The following DGLUCY variants were observed in gnomAD, a reference collection of about 807,000 sequenced individuals.
DGLUCY encodes D-glutamate cyclase.
Under a neutral mutation model 58.5 loss-of-function variants are expected in DGLUCY, and 58 were observed. That is an observed-to-expected ratio of 0.99 (90% CI 0.80 to 1.23). The LOEUF (loss-of-function observed/expected upper bound fraction) is 1.23. Among genes scored for constraint, DGLUCY ranks in the 50% most tolerant of loss-of-function variants. DGLUCY has a pLI of 0.00. For synonymous variants in DGLUCY, 325 were observed against 314.1 expected (o/e 1.03, Z -0.37); for missense variants, 779 against 784.7 (o/e 0.99, Z 0.09).
At chr14:91,098,661 C>A (rs1292690999) in intron 1 of DGLUCY, among the ~76,000 whole-genome samples, 5 of 152,160 alleles carry the variant, frequency 3.3e-5, no homozygotes, top group Non-Finnish European at 5.9e-5. Flanking sequence ...TGAGTACCTG[C>A]CTCATCCTGA....
intron 3 of DGLUCY, among the ~76,000 whole-genome samples, chr14:91,166,035 G>T (rs918957822): frequency 2.0e-5 from 3 of 152,326 alleles, no homozygotes; most frequent in African/African-American, 7.2e-5. Flanking sequence ...GCAACAATAT[G>T]AATGAATCTC....
At chr14:91,158,219 G>A (rs577504681) in intron 2 of DGLUCY, among the ~76,000 whole-genome samples, 1 of 152,294 alleles carries the variant, frequency 6.6e-6, no homozygotes, top group South Asian at 2.1e-4. Flanking sequence ...GCCAGGCCCA[G>A]GCGTTAGGCA....
intron 13 of DGLUCY, among the ~76,000 whole-genome samples, chr14:91,222,098 G>A (rs74086312): frequency 0.01 from 1,573 of 152,282 alleles, 30 homozygotes; most frequent in African/African-American, 0.036. Context: ...GTCTCAGCCT[G>A]GACTGGTGCA....
At chr14:91,126,746 A>G (rs941355862) in intron 1 of DGLUCY, among the ~76,000 whole-genome samples, 3 of 152,180 alleles carry the variant, frequency 2.0e-5, no homozygotes, top group Non-Finnish European at 4.4e-5. Flanking sequence ...ATTAATCCAT[A>G]ATAATCTCAT....
intron 3 of DGLUCY, chr14:91,165,207 C>T (rs1427671947): frequency 1.8e-5 from 8 of 455,902 alleles, no homozygotes; most frequent in East Asian, 6.9e-5. Flanking sequence ...ATAACCGTTA[C>T]GTGTTTCTTC....
At chr14:91,108,982 G>C (rs1220312531) in intron 1 of DGLUCY, among the ~76,000 whole-genome samples, 2 of 151,970 alleles carry the variant, frequency 1.3e-5, no homozygotes, top group African/African-American at 2.4e-5. Flanking sequence ...CATGGTATAG[G>C]AACAGGGGGT....
At chr14:91,205,754 C>CTTT (rs1555406030) in intron 12 of DGLUCY, among the ~76,000 whole-genome samples, 1 of 129,728 alleles carries the variant, frequency 7.7e-6, no homozygotes, top group African/African-American at 3.1e-5. Context: ...CCAGGGCATT[C>CTTT]TCTTCTTCTT....
chr14:91,207,417 G>A (rs1349029590), intron 12 of DGLUCY, among the ~76,000 whole-genome samples: 3 of 152,056 alleles, frequency 2.0e-5, no homozygotes, highest in African/African-American at 7.2e-5. Context: ...TAGACTAATG[G>A]GAATACTAGA....
intron 1 of DGLUCY, among the ~76,000 whole-genome samples, chr14:91,142,840 A>AAAACACAC (rs2046785693): frequency 8.0e-6 from 1 of 124,226 alleles, no homozygotes; most frequent in Non-Finnish European, 1.7e-5. Context: ...ATCTCTACTA[A>AAAACACAC]ACACACACAC....
At chr14:91,159,594 A>T (rs1225673603) in intron 2 of DGLUCY, among the ~76,000 whole-genome samples, 2 of 152,356 alleles carry the variant, frequency 1.3e-5, no homozygotes, top group East Asian at 3.9e-4. Flanking sequence ...TTCTACTTTT[A>T]AAAATCTACA....
chr14:91,205,510 C>T (rs1056223772), intron 12 of DGLUCY, among the ~76,000 whole-genome samples: 6 of 152,112 alleles, frequency 3.9e-5, no homozygotes, highest in Admixed American at 6.5e-5. Flanking sequence ...AATGGAACCT[C>T]GTGGGAACCA....
rs761446928 is a variant in DGLUCY at position 91,199,877 on chromosome 14, G to A, written c.1416G>A (p.Ala472=). The change falls in exon 11 of 14, where the codon GCG becomes GCA. Residue 472 remains alanine, a synonymous_variant. Transcript: ENST00000256324. Reference sequence around the variant, plus strand: ...CCATTGACGATCTTTTTCTTGCTGCGAAGAAGATTCCTGGAATCTCATCAA... The same window carrying A: ...CCATTGACGATCTTTTTCTTGCTGCAAAGAAGATTCCTGGAATCTCATCAA... ...VDPIDDLFLA[A]KKIPGISSTG... 79 of 1,614,000 alleles carry A rather than the reference G, an allele frequency of 4.9e-5. No homozygotes were observed. Among genetic ancestry groups the A allele is most frequent in the Non-Finnish European group, 5.8e-5 (68 of 1,180,014 alleles).
At chr14:91,067,684 G>C (rs2043846234) in intron 1 of DGLUCY, among the ~76,000 whole-genome samples, 1 of 151,944 alleles carries the variant, frequency 6.6e-6, no homozygotes, top group Non-Finnish European at 1.5e-5. Context: ...AAGTAGTTGG[G>C]ACTACAGGCA....
chr14:91,089,351 A>G (rs2044272145), intron 1 of DGLUCY, among the ~76,000 whole-genome samples: 2 of 152,220 alleles, frequency 1.3e-5, no homozygotes, highest in South Asian at 4.1e-4. Flanking sequence ...AAGAAGCAGG[A>G]GAGACGGTGA....
At chr14:91,133,355 A>C (rs772188968) in intron 1 of DGLUCY, among the ~76,000 whole-genome samples, 1 of 152,152 alleles carries the variant, frequency 6.6e-6, no homozygotes. Flanking sequence ...ATAATATTCC[A>C]TTGTCTGTAT....
intron 1 of DGLUCY, among the ~76,000 whole-genome samples, chr14:91,091,556 T>G (rs1285804977): frequency 6.6e-6 from 1 of 152,076 alleles, no homozygotes; most frequent in East Asian, 1.9e-4. Context: ...AATAAAAACT[T>G]CTGTCCATTT....
At chr14:91,169,934 T>C in intron 4 of DGLUCY, 69 bp from the exon 5 acceptor site, 1 of 1,493,924 alleles carries the variant, frequency 6.7e-7, no homozygotes, top group South Asian at 1.1e-5. Flanking sequence ...CCGCAGTCCT[T>C]CTATAATGTA....
chr14:91,096,698 G>A (rs540897955), intron 1 of DGLUCY, among the ~76,000 whole-genome samples: 6 of 152,134 alleles, frequency 3.9e-5, no homozygotes, highest in Middle Eastern at 6.8e-3. Context: ...CCCCTGGCTT[G>A]TTCCTCCGAC....
intron 12 of DGLUCY, 140 bp from the exon 13 acceptor site, chr14:91,215,265 G>T: frequency 1.4e-6 from 2 of 1,380,628 alleles, no homozygotes; most frequent in Non-Finnish European, 1.9e-6. Flanking sequence ...CAAAGAATTT[G>T]TGTTTCTAGC....
Sources: allele counts gnomAD v4.1 joint callset (sites outside exome capture counted in the v4.1 genomes callset), GRCh38; gene constraint gnomAD v4.1.1; transcripts MANE v1.5; gene names NCBI Gene and HGNC (gene_info 2026-07-23, HGNC 2026-07-21).